Variants in PRKN observed in about 807,000 individuals in gnomAD.
PRKN encodes parkin RBR E3 ubiquitin protein ligase.
In PRKN, 56 loss-of-function variants were observed where a neutral mutation model predicts 59.5. The ratio of observed to expected loss-of-function variants is 0.94; its 90% CI spans 0.76 to 1.18. PRKN has a LOEUF of 1.18. PRKN is among the 50% of genes most tolerant of loss of function. The probability of loss-of-function intolerance (pLI) is 0.00; values close to 1 mark genes in which losing one functional copy is unlikely to be tolerated. For synonymous variants in PRKN, 250 were observed against 222.1 expected (o/e 1.13, Z -1.12); for missense variants, 657 against 596.4 (o/e 1.10, Z -1.06).
chr6:162,543,834 T>C (rs1261949793), intron 1 of PRKN, among the ~76,000 whole-genome samples: 1 of 152,028 alleles, frequency 6.6e-6, no homozygotes, highest in Non-Finnish European at 1.5e-5. Context: ...TTTGGAAAGC[T>C]AAACAAACAA....
At chr6:162,348,217 CAG>C (rs1163431999) in intron 2 of PRKN, among the ~76,000 whole-genome samples, 1 of 152,180 alleles carries the variant, frequency 6.6e-6, no homozygotes, top group Non-Finnish European at 1.5e-5. Flanking sequence ...GTAGAATACA[CAG>C]AGTGGCCGGC....
intron 6 of PRKN, among the ~76,000 whole-genome samples, chr6:161,956,481 A>C (rs1267411877): frequency 6.6e-6 from 1 of 152,216 alleles, no homozygotes; most frequent in African/African-American, 2.4e-5. Flanking sequence ...ACAAATGGAC[A>C]AGAAGCAAGT....
At chr6:162,585,381 C>G (rs570163783) in intron 1 of PRKN, among the ~76,000 whole-genome samples, 1 of 152,142 alleles carries the variant, frequency 6.6e-6, no homozygotes, top group African/African-American at 2.4e-5. Context: ...ACATTTGTCC[C>G]GTTACCCATT....
chr6:162,694,780 G>A (rs577342224), intron 1 of PRKN: 6 of 152,314 alleles, frequency 3.9e-5, no homozygotes, highest in Middle Eastern at 3.4e-3. Context: ...AACAGTTAGA[G>A]TTTTCCAAAA....
At chr6:161,795,636 T>C (rs1300982819) in intron 6 of PRKN, among the ~76,000 whole-genome samples, 1 of 152,106 alleles carries the variant, frequency 6.6e-6, no homozygotes, top group African/African-American at 2.4e-5. Context: ...GTCCCTGCAC[T>C]AGACCTGAGA....
chr6:162,432,991 C>T (rs1425337824), intron 2 of PRKN, among the ~76,000 whole-genome samples: 1 of 152,122 alleles, frequency 6.6e-6, no homozygotes, highest in Non-Finnish European at 1.5e-5. Context: ...CAAAGGAGTT[C>T]CCACAAATAT....
Position 161,939,082 on chromosome 6 carries a change from T to G in PRKN, c.734+34220A>C, listed in dbSNP as rs540295138. On this transcript the variant is annotated intron_variant, in intron 6 of 11. Transcript: ENST00000366898. ...GATTTTGAAAAGGAAAAACTAAGAATATCAACCAACTTCAATCCAGGACTG... is the reference window on the plus strand; with the variant it reads ...GATTTTGAAAAGGAAAAACTAAGAAGATCAACCAACTTCAATCCAGGACTG... Among the ~76,000 whole-genome samples, 129 of 152,154 alleles carry G rather than the reference T, an allele frequency of 8.5e-4. 1 individual carries two copies. The highest frequency in any genetic ancestry group is 1.4e-3 in the Non-Finnish European group (93 of 68,026).
At chr6:161,570,898 G>A (rs1262636122) in intron 7 of PRKN, among the ~76,000 whole-genome samples, 1 of 152,114 alleles carries the variant, frequency 6.6e-6, no homozygotes, top group Non-Finnish European at 1.5e-5. Context: ...TTGCATCCCT[G>A]TCTTTTCAAT....
chr6:161,438,467 T>C (rs765235397), intron 9 of PRKN, among the ~76,000 whole-genome samples: 4 of 151,976 alleles, frequency 2.6e-5, no homozygotes, highest in Non-Finnish European at 5.9e-5. Context: ...CCGCCCACCT[T>C]AGCCTCCCAA....
At chr6:161,907,720 C>A (rs1778201397) in intron 6 of PRKN, among the ~76,000 whole-genome samples, 1 of 152,042 alleles carries the variant, frequency 6.6e-6, no homozygotes, top group Non-Finnish European at 1.5e-5. Context: ...TTGCTGAGAT[C>A]GAAAGGACCA....
In PRKN at chr6:161,660,033, A is replaced by G. The variant is rs73597126; in HGVS notation, c.872-90617T>C. Among the ~76,000 whole-genome samples, 606 of 152,266 alleles carry G rather than the reference A, an allele frequency of 4.0e-3. 2 individuals are homozygous for G. Among genetic ancestry groups the G allele is most frequent in the African/African-American group, 0.014 (589 of 41,542 alleles). On this transcript the variant is annotated intron_variant, in intron 7 of 11. Coordinates refer to ENST00000366898, the MANE Select transcript of PRKN (RefSeq NM_004562.3). ...ATGTATCCGAATGGCAGCAGCTGGG[A>G]CTTACTAAGGTCTCAAAAAGCATTG... is the stretch of plus-strand genomic sequence containing the variant.
chr6:161,864,704 T>C (rs1222982078), intron 6 of PRKN, among the ~76,000 whole-genome samples: 1 of 152,176 alleles, frequency 6.6e-6, no homozygotes, highest in Non-Finnish European at 1.5e-5. Context: ...TTGCCTGGGC[T>C]GGAGTGCAGT....
chr6:162,197,979 G>T (rs555868956), intron 4 of PRKN, among the ~76,000 whole-genome samples: 2 of 152,200 alleles, frequency 1.3e-5, no homozygotes, highest in East Asian at 3.9e-4. Context: ...CAGGCTCTTC[G>T]AACATAGACA....
chr6:162,216,326 C>T (rs185364750), intron 3 of PRKN, among the ~76,000 whole-genome samples: 2 of 151,098 alleles, frequency 1.3e-5, no homozygotes, highest in East Asian at 3.9e-4. Context: ...GTCAGGAGAT[C>T]GAGATCATCC....
intron 1 of PRKN, among the ~76,000 whole-genome samples, chr6:162,526,871 A>G (rs1778310844): frequency 1.3e-5 from 2 of 152,184 alleles, no homozygotes. Context: ...CACGTGGCTA[A>G]TAATTCCTAG....
At position 161,447,190 on chromosome 6, in the gene PRKN, C is replaced by T. The variant is rs1214735423; in HGVS notation, c.1084-60313G>A. 1.3e-5 allele frequency among the ~76,000 whole-genome samples: 2 copies of T among 152,190 alleles called. No individual in the cohort carries two copies. The highest frequency in any genetic ancestry group is 6.5e-5 in the Admixed American group (1 of 15,280). On this transcript the variant is annotated intron_variant, in intron 9 of 11. Coordinates refer to ENST00000366898, the MANE Select transcript of PRKN (RefSeq NM_004562.3). The surrounding 1 kb of genome is among the most constrained non-coding windows in gnomAD (Gnocchi z 4.1). ...GTCCCCCTGTGAAGTTAACCGAAAG[C>T]TGCTTTTTCACTCAGAGAATGGGCT...
Position 161,738,439 on chromosome 6 carries a change from G to A in PRKN, c.871+47333C>T, listed in dbSNP as rs183910694. 1.2e-3 allele frequency among the ~76,000 whole-genome samples: 186 copies of A among 152,250 alleles called. 1 individual carries two copies. The highest frequency in any genetic ancestry group is 0.01 in the Middle Eastern group (3 of 292). Reference sequence around the variant, plus strand: ...GGTGAGAGGCTTAGCTTTTATAAACGTGAAAAGTCACTGAAATGGACCTAA... The same window carrying A: ...GGTGAGAGGCTTAGCTTTTATAAACATGAAAAGTCACTGAAATGGACCTAA... On this transcript the variant is annotated intron_variant, in intron 7 of 11. Coordinates refer to ENST00000366898, the MANE Select transcript of PRKN (RefSeq NM_004562.3).
At chr6:162,040,413 T>C (rs534099027) in intron 5 of PRKN, among the ~76,000 whole-genome samples, 22 of 151,942 alleles carry the variant, frequency 1.4e-4, no homozygotes, top group African/African-American at 5.1e-4. Flanking sequence ...CCACTTTTTT[T>C]TTTTTTTTTG....
At chr6:161,925,915 A>G (rs1302420594) in intron 6 of PRKN, among the ~76,000 whole-genome samples, 19 of 152,158 alleles carry the variant, frequency 1.2e-4, no homozygotes, top group Admixed American at 1.2e-3. Context: ...TGAACTCTTT[A>G]TATGTCTCGT....
Sources: allele counts gnomAD v4.1 joint callset (sites outside exome capture counted in the v4.1 genomes callset), GRCh38; gene constraint gnomAD v4.1.1; non-coding constraint Gnocchi (gnomAD v3.1); transcripts MANE v1.5; gene names NCBI Gene and HGNC (gene_info 2026-07-23, HGNC 2026-07-21).